The following COG6 variants were observed in gnomAD, a reference collection of about 807,000 sequenced individuals.
The protein encoded by COG6 is component of oligomeric golgi complex 6, also known as conserved oligomeric Golgi complex subunit 6.
A neutral mutation model predicts 88.8 loss-of-function variants in COG6; 74 were observed. The ratio of observed to expected loss-of-function variants is 0.83; its 90% CI spans 0.69 to 1.01. COG6 has a LOEUF of 1.01. COG6 is among the 50% of genes least tolerant of loss of function. COG6 has a pLI of 0.00. For missense variants in COG6, 800 were observed against 797.9 expected (o/e 1.00, Z -0.03); for synonymous variants, 286 against 278.7 (o/e 1.03, Z -0.26).
At chr13:39,734,588 A>G (rs148004122) in intron 18 of COG6, among the ~76,000 whole-genome samples, 2 of 152,290 alleles carry the variant, frequency 1.3e-5, no homozygotes, top group Non-Finnish European at 1.5e-5. Context: ...ATTGGATGAA[A>G]TACTCTACAA....
intron 18 of COG6, among the ~76,000 whole-genome samples, chr13:39,778,923 A>G (rs2138185902): frequency 6.6e-6 from 1 of 152,346 alleles, no homozygotes; most frequent in East Asian, 1.9e-4. Context: ...TAGAAGGAGT[A>G]GTGTCTTACA....
rs532537907 is a variant in COG6 at position 39,778,033 on chromosome 13, G to A, written c.1827-10302G>A. Among the ~76,000 whole-genome samples, 8 of 152,310 alleles carry A rather than the reference G, an allele frequency of 5.3e-5. No homozygotes were observed. The South Asian group carries it at 1.7e-3, about 32-fold the overall frequency. On this transcript the variant is annotated intron_variant, in intron 18 of 18. Coordinates refer to the COG6 transcript ENST00000416691. ...AAAGAGTCAATCTTCTGAGAGTTAA[G>A]CAGTCCTAATCAACACATTATAGGA...
chr13:39,659,573 TA>T, intron 2 of COG6, 66 bp downstream of exon 2: 1 of 1,409,686 alleles, frequency 7.1e-7, no homozygotes, highest in Non-Finnish European at 1.0e-6. Flanking sequence ...CTGTGCTAAG[TA>T]TTTTTTTGAA....
Position 39,655,711 on chromosome 13 carries a change from C to T in COG6, c.-16C>T, listed in dbSNP as rs779897635. 11 of 1,581,518 alleles carry T rather than the reference C, an allele frequency of 7.0e-6. No individual in the cohort carries two copies. The highest frequency in any genetic ancestry group is 6.9e-5 in the South Asian group (6 of 87,416). On this transcript the variant is annotated 5_prime_UTR_variant, in exon 1 of 19. Coordinates refer to ENST00000455146, the MANE Select transcript of COG6 (RefSeq NM_020751.3). ...GCCTGGCTGAGGTGGCAGCAGGGGG[C>T]GGGACGCGCAGCGCTATGGCAGAGG...
At chr13:39,747,517 T>G (rs369593061) in intron 18 of COG6, among the ~76,000 whole-genome samples, 1 of 152,166 alleles carries the variant, frequency 6.6e-6, no homozygotes, top group South Asian at 2.1e-4. Context: ...CTCCACCATA[T>G]GCATATTCTT....
intron 17 of COG6, among the ~76,000 whole-genome samples, chr13:39,724,893 A>G (rs576108357): frequency 6.6e-6 from 1 of 152,038 alleles, no homozygotes; most frequent in South Asian, 2.1e-4. Flanking sequence ...ATCATTATAA[A>G]CTTATTACTA....
intron 8 of COG6, among the ~76,000 whole-genome samples, chr13:39,684,165 G>T (rs1355050875): frequency 2.6e-5 from 4 of 150,996 alleles, no homozygotes; most frequent in Non-Finnish European, 2.9e-5. Flanking sequence ...ATAAAGAATG[G>T]AACTATAATA....
chr13:39,780,698 A>AT (rs937360931), intron 18 of COG6, among the ~76,000 whole-genome samples: 1 of 152,016 alleles, frequency 6.6e-6, no homozygotes, highest in Admixed American at 6.6e-5. Context: ...ATAGCACATA[A>AT]TTTTTCAGGC....
At chr13:39,732,357 T>G (rs964716843) in intron 18 of COG6, among the ~76,000 whole-genome samples, 4 of 152,164 alleles carry the variant, frequency 2.6e-5, no homozygotes, top group Non-Finnish European at 5.9e-5. Context: ...ATCAACAGTG[T>G]AACATCTATA....
chr13:39,733,669 G>A (rs1333925765), intron 18 of COG6, among the ~76,000 whole-genome samples: 3 of 151,810 alleles, frequency 2.0e-5, no homozygotes, highest in Non-Finnish European at 4.4e-5. Flanking sequence ...GAACGTGGAA[G>A]TATTCCCTTC....
At chr13:39,738,167 G>A (rs754867995) in intron 18 of COG6, among the ~76,000 whole-genome samples, 15 of 152,062 alleles carry the variant, frequency 9.9e-5, no homozygotes, top group Non-Finnish European at 2.2e-4. Flanking sequence ...GTGATTTTTT[G>A]TGTGGATAGA....
intron 18 of COG6, among the ~76,000 whole-genome samples, chr13:39,729,707 T>C (rs1470731210): frequency 6.6e-6 from 1 of 152,202 alleles, no homozygotes; most frequent in Non-Finnish European, 1.5e-5. Context: ...ATAAAACATT[T>C]ATTACATACT....
intron 13 of COG6, among the ~76,000 whole-genome samples, chr13:39,716,362 T>C (rs1161834484): frequency 6.6e-6 from 1 of 152,086 alleles, no homozygotes; most frequent in African/African-American, 2.4e-5. Context: ...TTTATATCCT[T>C]GTACATCTAA....
chr13:39,761,057 A>T (rs1880994373), intron 18 of COG6, among the ~76,000 whole-genome samples: 1 of 151,896 alleles, frequency 6.6e-6, no homozygotes, highest in Non-Finnish European at 1.5e-5. Flanking sequence ...TTCAACAGCT[A>T]TTGGGAATAT....
In COG6 at chr13:39,775,849, G is replaced by A. The variant is rs927787739; in HGVS notation, c.1827-12486G>A. On this transcript the variant is annotated intron_variant, in intron 18 of 18. Transcript: ENST00000416691. ...CAATGGTGCGATCTCGGCTCACTGC[G>A]ACCTCTGCCTCCCAGGTTCAAGTGA... Among the ~76,000 whole-genome samples, 3 of 150,762 alleles carry A rather than the reference G, an allele frequency of 2.0e-5. No homozygotes were observed. In the South Asian group the frequency reaches 6.3e-4, roughly 32 times the overall value.
chr13:39,656,718 A>T (rs1338717818), intron 1 of COG6: 2 of 389,264 alleles, frequency 5.1e-6, no homozygotes, highest in Non-Finnish European at 1.0e-5. Context: ...TTGCAATGTA[A>T]TGAATAAGAA....
intron 18 of COG6, among the ~76,000 whole-genome samples, chr13:39,767,648 G>C (rs1044756803): frequency 2.0e-5 from 3 of 152,192 alleles, no homozygotes; most frequent in African/African-American, 7.2e-5. Flanking sequence ...TTCAGGGAAG[G>C]AGCAGAAGAT....
chr13:39,675,655 A>G (rs1230643744), intron 4 of COG6, among the ~76,000 whole-genome samples: 1 of 152,098 alleles, frequency 6.6e-6, no homozygotes, highest in Non-Finnish European at 1.5e-5. Context: ...ATTAAGGGGT[A>G]TGATCAAGGT....
intron 18 of COG6, among the ~76,000 whole-genome samples, chr13:39,781,975 T>C (rs1410523990): frequency 6.6e-6 from 1 of 152,240 alleles, no homozygotes. Context: ...CTTGGGTTCT[T>C]AACTTACAAT....
Sources: allele counts gnomAD v4.1 joint callset (sites outside exome capture counted in the v4.1 genomes callset), GRCh38; gene constraint gnomAD v4.1.1; transcripts MANE v1.5; gene names NCBI Gene and HGNC (gene_info 2026-07-23, HGNC 2026-07-21).